PPFIBP1: variants seen among roughly 807,000 people sequenced by gnomAD.
PPFIBP1 encodes liprin-beta-1.
In PPFIBP1, 112 loss-of-function variants were observed where a neutral mutation model predicts 137.8. That is an observed-to-expected ratio of 0.81 (90% CI 0.70 to 0.95). The LOEUF (loss-of-function observed/expected upper bound fraction) is 0.95, where lower values mean the gene tolerates loss of function less well. Ranked by LOEUF, PPFIBP1 falls within the 40% of genes least tolerant of loss-of-function variation. PPFIBP1 has a pLI of 0.00. For missense variants in PPFIBP1, 1,083 were observed against 1,196.6 expected (o/e 0.91, Z 1.40); for synonymous variants, 378 against 417.3 (o/e 0.91, Z 1.15).
At chr12:27,632,244 G>A (rs578042757) in intron 2 of PPFIBP1, among the ~76,000 whole-genome samples, 8 of 152,282 alleles carry the variant, frequency 5.3e-5, no homozygotes, top group Middle Eastern at 3.4e-3. Context: ...AGTTGATACC[G>A]GAACTATAAA....
At chr12:27,587,408 G>T (rs1327063897) in intron 2 of PPFIBP1, among the ~76,000 whole-genome samples, 3 of 152,034 alleles carry the variant, frequency 2.0e-5, no homozygotes, top group South Asian at 2.1e-4. Flanking sequence ...GATCACGGAG[G>T]TCAGGAGATC....
intron 8 of PPFIBP1, among the ~76,000 whole-genome samples, chr12:27,655,513 G>A (rs1383200770): frequency 6.6e-6 from 1 of 152,182 alleles, no homozygotes; most frequent in Non-Finnish European, 1.5e-5. Context: ...TAAAATAATT[G>A]TAAACATTCG....
At chr12:27,651,167 C>T (rs2058853845) in intron 7 of PPFIBP1, among the ~76,000 whole-genome samples, 1 of 151,994 alleles carries the variant, frequency 6.6e-6, no homozygotes, top group African/African-American at 2.4e-5. Context: ...CTGCTATTTT[C>T]AAAATTAAAT....
chr12:27,658,021 A>C (rs990697746), intron 9 of PPFIBP1, among the ~76,000 whole-genome samples: 10 of 151,590 alleles, frequency 6.6e-5, no homozygotes, highest in Non-Finnish European at 1.5e-5. Flanking sequence ...CTGTAATCCC[A>C]CCTACTTGGG....
chr12:27,682,766 T>A, intron 24 of PPFIBP1, 63 bp downstream of exon 24: 1 of 1,611,120 alleles, frequency 6.2e-7, no homozygotes, highest in Non-Finnish European at 8.5e-7. Flanking sequence ...AACACAGGAA[T>A]TGAGTAAGCC....
At chr12:27,642,456 T>G (rs2058179805) in intron 4 of PPFIBP1, among the ~76,000 whole-genome samples, 1 of 152,216 alleles carries the variant, frequency 6.6e-6, no homozygotes, top group South Asian at 2.1e-4. Context: ...GTGCTCAGGA[T>G]TTTACAAGCA....
At chr12:27,577,404 T>A (rs1251199676) in intron 1 of PPFIBP1, among the ~76,000 whole-genome samples, 1 of 152,172 alleles carries the variant, frequency 6.6e-6, no homozygotes, top group Non-Finnish European at 1.5e-5. Context: ...CCCTGACTCT[T>A]TATGCATTTG....
intron 6 of PPFIBP1, among the ~76,000 whole-genome samples, chr12:27,648,241 G>A (rs2058662588): frequency 6.6e-6 from 1 of 152,128 alleles, no homozygotes; most frequent in Non-Finnish European, 1.5e-5. Context: ...ACAGACATAT[G>A]AAAAGGTGCT....
intron 1 of PPFIBP1, among the ~76,000 whole-genome samples, chr12:27,531,459 ATT>A (rs11434409): frequency 6.9e-5 from 10 of 144,876 alleles, no homozygotes; most frequent in East Asian, 4.0e-4. Flanking sequence ...TGAGCAGCTA[ATT>A]TTTTTTTTTT....
chr12:27,692,795 G>T lies in PPFIBP1; in HGVS notation c.2932-1G>T. 1 of 1,614,070 alleles carries T rather than the reference G, an allele frequency of 6.2e-7. No homozygotes were observed. Among genetic ancestry groups the T allele is most frequent in the Non-Finnish European group, 8.5e-7 (1 of 1,179,976 alleles). On this transcript the variant is annotated splice_acceptor_variant, in intron 29 of 29. Coordinates refer to ENST00000228425, the MANE Select transcript of PPFIBP1 (RefSeq NM_003622.4). LOFTEE classifies it high-confidence loss of function. Reference sequence around the variant, plus strand: ...TGACTCCCTGTCTCCTTGTTTTCCAGCACATGTTAAAAGAAGATGACATGT... The same window carrying T: ...TGACTCCCTGTCTCCTTGTTTTCCATCACATGTTAAAAGAAGATGACATGT...
At chr12:27,677,141 A>T in intron 19 of PPFIBP1, 45 bp downstream of exon 19, 1 of 1,609,600 alleles carries the variant, frequency 6.2e-7, no homozygotes, top group African/African-American at 1.3e-5. Context: ...CTGTGCTCCA[A>T]ACCAATCTAA....
intron 2 of PPFIBP1, among the ~76,000 whole-genome samples, chr12:27,623,897 C>T (rs1432562779): frequency 2.6e-5 from 4 of 152,032 alleles, no homozygotes; most frequent in African/African-American, 9.7e-5. Context: ...CATTTGGTGT[C>T]CACCACACTA....
chr12:27,584,107 A>C (rs1401747011), intron 2 of PPFIBP1: 1 of 152,222 alleles, frequency 6.6e-6, no homozygotes, highest in Non-Finnish European at 1.5e-5. Flanking sequence ...ACCTTGTTTT[A>C]TGTGTGTTTC....
intron 1 of PPFIBP1, among the ~76,000 whole-genome samples, chr12:27,577,459 C>G (rs558958372): frequency 6.6e-6 from 1 of 152,278 alleles, no homozygotes; most frequent in South Asian, 2.1e-4. Context: ...TTGGAGACAC[C>G]TTGCTTTCTC....
chr12:27,598,363 A>G (rs2053560808), intron 2 of PPFIBP1, among the ~76,000 whole-genome samples: 1 of 152,150 alleles, frequency 6.6e-6, no homozygotes, highest in Admixed American at 6.5e-5. Context: ...TTATAAAACC[A>G]TCAGATCTCA....
intron 1 of PPFIBP1, among the ~76,000 whole-genome samples, chr12:27,556,084 A>G (rs1308980540): frequency 2.0e-5 from 3 of 152,226 alleles, no homozygotes; most frequent in South Asian, 2.1e-4. Flanking sequence ...TTTTCTTGGC[A>G]TCACAACAGG....
chr12:27,666,480 G>A (rs1273264520), intron 12 of PPFIBP1, among the ~76,000 whole-genome samples: 1 of 152,158 alleles, frequency 6.6e-6, no homozygotes, highest in Admixed American at 6.5e-5. Context: ...GTAGATTAGC[G>A]TGTTAAGTAT....
At chr12:27,624,130 G>A (rs930058104) in intron 2 of PPFIBP1, among the ~76,000 whole-genome samples, 3 of 152,044 alleles carry the variant, frequency 2.0e-5, no homozygotes, top group Admixed American at 2.0e-4. Flanking sequence ...GAGGTGAGAG[G>A]GCAGAAGTGT....
At chr12:27,667,897 C>T (rs980177085) in intron 13 of PPFIBP1, among the ~76,000 whole-genome samples, 1 of 152,092 alleles carries the variant, frequency 6.6e-6, no homozygotes, top group East Asian at 1.9e-4. Context: ...CCAAGAGGCC[C>T]GGGCAACTTT....
Sources: gnomAD v4.1 joint callset for allele counts (sites outside exome capture counted in the v4.1 genomes callset) on GRCh38, gnomAD v4.1.1 for gene constraint, MANE v1.5 for transcripts, NCBI Gene and HGNC (gene_info 2026-07-23, HGNC 2026-07-21) for gene names.